The following KIF13A variants were observed in gnomAD, a reference collection of about 807,000 sequenced individuals.
KIF13A encodes the protein kinesin family member 13A, also known as kinesin-like protein KIF13A.
KIF13A carries 79 observed loss-of-function variants against 212.2 expected under a neutral mutation model. The observed-to-expected ratio is 0.37, with a 90% CI of 0.31 to 0.45. The LOEUF is 0.45. Among genes scored for constraint, KIF13A ranks in the 20% least tolerant of loss-of-function variants. KIF13A has a pLI of 1.00. For synonymous variants in KIF13A, 789 were observed against 808.6 expected (o/e 0.98, Z 0.41); for missense variants, 1,901 against 2,209.0 (o/e 0.86, Z 2.79).
rs1760036358 is a variant in KIF13A, at chr6:17,776,946, T to G, written c.4170+331A>C. Among the ~76,000 whole-genome samples the G allele has an allele frequency of 6.6e-6, 1 of 152,204 alleles. No homozygotes were observed. Among genetic ancestry groups the G allele is most frequent in the Non-Finnish European group, 1.5e-5 (1 of 68,032 alleles). On this transcript the variant is annotated intron_variant, in intron 34 of 38. Transcript: ENST00000259711. This position sits in a 1 kb window ranked among gnomAD's most constrained non-coding sequence, Gnocchi z 4.6. ...GGGCAGCTAGAATGGGCACAAAAAC[T>G]GACCCTGGAGCAGCCAGCGTCCAGG...
intron 12 of KIF13A, among the ~76,000 whole-genome samples, chr6:17,832,361 C>A (rs2147208): frequency 0.43 from 65,495 of 152,002 alleles, 15,075 homozygotes; most frequent in South Asian, 0.54. Flanking sequence ...ATATGCTATA[C>A]GTTACAAATT....
In KIF13A at chr6:17,825,696, T is replaced by C; in HGVS notation, c.1786+72A>G. Reference sequence around the variant, plus strand: ...GGAATGCGGAATGACACCTGATGCATGCTTATCCCTCACTGAATGGTGTGA... The same window carrying C: ...GGAATGCGGAATGACACCTGATGCACGCTTATCCCTCACTGAATGGTGTGA... On this transcript the variant is annotated intron_variant, in intron 16 of 38. Coordinates refer to ENST00000259711, the MANE Select transcript of KIF13A (RefSeq NM_022113.6). The surrounding 1 kb of genome is among the most constrained non-coding windows in gnomAD (Gnocchi z 4.5). 7.1e-7 allele frequency: 1 copy of C among 1,405,668 alleles called. No homozygotes were observed. Among genetic ancestry groups the C allele is most frequent in the Non-Finnish European group, 9.8e-7 (1 of 1,021,218 alleles). 87.1% of individuals were successfully genotyped at this position (1,405,668 alleles called of 1,614,324 possible). A position where few individuals can be genotyped will look rare whatever the true frequency, so the allele number is the denominator to read the frequency against.
chr6:17,788,713 C>G (rs1270249477), intron 26 of KIF13A, among the ~76,000 whole-genome samples: 1 of 151,992 alleles, frequency 6.6e-6, no homozygotes, highest in Non-Finnish European at 1.5e-5. Context: ...GAAACTTTAC[C>G]AACAGTGTAC....
chr6:17,929,647 G>T (rs191812455), intron 2 of KIF13A, among the ~76,000 whole-genome samples: 2 of 152,122 alleles, frequency 1.3e-5, no homozygotes, highest in Non-Finnish European at 2.9e-5. Context: ...TGATCTGCCC[G>T]CCTTGGCCTC....
chr6:17,821,928 G>A (rs760117512), intron 16 of KIF13A: 1 of 1,534,724 alleles, frequency 6.5e-7, no homozygotes, highest in South Asian at 1.2e-5. Flanking sequence ...GGGAATCACA[G>A]TGAACACCGT....
At chr6:17,908,748 G>C (rs1257652404) in intron 2 of KIF13A, among the ~76,000 whole-genome samples, 1 of 151,324 alleles carries the variant, frequency 6.6e-6, no homozygotes. Flanking sequence ...AACTCAAAAA[G>C]AAAAACAACT....
At chr6:17,807,409 A>G (rs542063486) in intron 18 of KIF13A, among the ~76,000 whole-genome samples, 2 of 152,188 alleles carry the variant, frequency 1.3e-5, no homozygotes, top group Admixed American at 1.3e-4. Flanking sequence ...CCTGGTTGAG[A>G]TAAGCACTGA....
chr6:17,980,032 A>T (rs1780920891), intron 2 of KIF13A, among the ~76,000 whole-genome samples: 1 of 152,170 alleles, frequency 6.6e-6, no homozygotes, highest in African/African-American at 2.4e-5. Context: ...TAATGAACTA[A>T]TTCAATAATT....
At chr6:17,937,115 C>T (rs1561781041) in intron 2 of KIF13A, among the ~76,000 whole-genome samples, 1 of 152,304 alleles carries the variant, frequency 6.6e-6, no homozygotes, top group East Asian at 1.9e-4. Flanking sequence ...GAAGTTGAGG[C>T]TGCAGTGAGC....
Position 17,794,807 on chromosome 6 carries a change from C to G in KIF13A, c.2943-103G>C. On this transcript the variant is annotated intron_variant, in intron 23 of 38. Coordinates refer to ENST00000259711, the MANE Select transcript of KIF13A (RefSeq NM_022113.6). This position sits in a 1 kb window ranked among gnomAD's most constrained non-coding sequence, Gnocchi z 4.1. ...CTGAGCACTTACTATGTGCTAGGCA[C>G]TGTGCCATTTATCTTGTATAAGTTA... 4.2e-6 allele frequency: 5 copies of G among 1,199,542 alleles called. No homozygotes were observed. The highest frequency in any genetic ancestry group is 5.8e-6 in the Non-Finnish European group (5 of 865,134). 74.3% of individuals were successfully genotyped at this position (1,199,542 alleles called of 1,614,324 possible).
intron 4 of KIF13A, among the ~76,000 whole-genome samples, chr6:17,863,809 T>C (rs1769092092): frequency 6.6e-6 from 1 of 152,114 alleles, no homozygotes; most frequent in Admixed American, 6.5e-5. Flanking sequence ...TGTTTTGTTT[T>C]GTTTTTGCTT....
chr6:17,863,701 T>C (rs78097524), intron 4 of KIF13A, among the ~76,000 whole-genome samples: 1,562 of 152,284 alleles, frequency 0.01, 22 homozygotes, highest in South Asian at 0.05. Flanking sequence ...TGGCTACACT[T>C]CATTCTGCAA....
intron 2 of KIF13A, among the ~76,000 whole-genome samples, chr6:17,906,822 T>C (rs904681750): frequency 2.0e-5 from 3 of 152,060 alleles, no homozygotes; most frequent in African/African-American, 7.2e-5. Context: ...TGAGAATACC[T>C]GGTAGGGCAA....
chr6:17,910,730 A>C (rs1260226523), intron 2 of KIF13A, among the ~76,000 whole-genome samples: 1 of 152,208 alleles, frequency 6.6e-6, no homozygotes, highest in African/African-American at 2.4e-5. Flanking sequence ...TTCTCACCAC[A>C]GGGTTTCTAA....
rs1229813007 is a variant in KIF13A at position 17,926,041 on chromosome 6, T to C, written c.147-27861A>G. Among the ~76,000 whole-genome samples, 1 of 152,182 alleles carries C rather than the reference T, an allele frequency of 6.6e-6. No homozygotes were observed. The highest frequency in any genetic ancestry group is 1.9e-4 in the East Asian group (1 of 5,190). ...CCAGAAGAGGCAGCTGTATCTATGA[T>C]GCTCTTATGTAAAATGCTCATCTTA... On this transcript the variant is annotated intron_variant, in intron 2 of 38. Coordinates refer to ENST00000259711, the MANE Select transcript of KIF13A (RefSeq NM_022113.6). This position sits in a 1 kb window ranked among gnomAD's most constrained non-coding sequence, Gnocchi z 4.3.
At position 17,777,999 on chromosome 6, in the gene KIF13A, A is replaced by G. The variant is rs1274853589; in HGVS notation, c.4093-645T>C. On this transcript the variant is annotated intron_variant, in intron 33 of 38. Transcript: ENST00000259711. This position sits in a 1 kb window ranked among gnomAD's most constrained non-coding sequence, Gnocchi z 4.4. Reference sequence around the variant, plus strand: ...TAAAAAATACAAAAATTAGCTGGGCATGGTGGTGGGTGCCTGTGGTTCCAG... The same window carrying G: ...TAAAAAATACAAAAATTAGCTGGGCGTGGTGGTGGGTGCCTGTGGTTCCAG... 1.3e-5 allele frequency among the ~76,000 whole-genome samples: 2 copies of G among 151,932 alleles called. No individual in the cohort carries two copies. Among genetic ancestry groups the G allele is most frequent in the African/African-American group, 4.8e-5 (2 of 41,372 alleles).
intron 3 of KIF13A, among the ~76,000 whole-genome samples, chr6:17,885,468 G>A (rs1771461240): frequency 6.6e-6 from 1 of 152,196 alleles, no homozygotes; most frequent in African/African-American, 2.4e-5. Context: ...GACTGATTGT[G>A]AAGATGTGAA....
chr6:17,796,537 G>T, intron 23 of KIF13A, 132 bp downstream of exon 23: 1 of 558,264 alleles, frequency 1.8e-6, no homozygotes, highest in Non-Finnish European at 2.7e-6. Flanking sequence ...ACCGCACCTG[G>T]CCATTCTTTT....
At position 17,900,906 on chromosome 6, in the gene KIF13A, G is replaced by A. The variant is rs556929030; in HGVS notation, c.147-2726C>T. Among the ~76,000 whole-genome samples the A allele has an allele frequency of 2.2e-4, 33 of 151,852 alleles. No homozygotes were observed. Among genetic ancestry groups the A allele is most frequent in the Non-Finnish European group, 3.8e-4 (26 of 67,938 alleles). On this transcript the variant is annotated intron_variant, in intron 2 of 38. Transcript: ENST00000259711. The surrounding 1 kb of genome is among the most constrained non-coding windows in gnomAD (Gnocchi z 4.6). ...ATCCTGGTTAACACGGTGAAACCCC[G>A]CCTCTACTAAAAATACAAAAAATTA...
Sources: gnomAD v4.1 joint callset for allele counts (sites outside exome capture counted in the v4.1 genomes callset) on GRCh38, gnomAD v4.1.1 for gene constraint, Gnocchi (gnomAD v3.1) non-coding constraint, MANE v1.5 for transcripts, NCBI Gene and HGNC (gene_info 2026-07-23, HGNC 2026-07-21) for gene names.